UNC80: variants seen among roughly 807,000 people sequenced by gnomAD.
The protein encoded by UNC80 is protein unc-80 homolog.
UNC80 carries 164 observed loss-of-function variants against 384.6 expected under a neutral mutation model. That is an observed-to-expected ratio of 0.43 (90% CI 0.38 to 0.49). UNC80 has a LOEUF of 0.49. Ranked by LOEUF, UNC80 falls within the 20% of genes least tolerant of loss-of-function variation. The pLI is 0.00. For synonymous variants in UNC80, 1,486 were observed against 1,527.8 expected (o/e 0.97, Z 0.64); for missense variants, 3,330 against 4,143.0 (o/e 0.80, Z 5.39).
chr2:209,775,817 A>T, intron 2 of UNC80, 72 bp from the exon 3 acceptor site: 3 of 1,503,788 alleles, frequency 2.0e-6, no homozygotes, highest in Non-Finnish European at 2.7e-6. Context: ...CACTAACCAG[A>T]ATCTTCAATT....
chr2:209,987,390 T>C (rs2093310480), intron 61 of UNC80, among the ~76,000 whole-genome samples: 1 of 152,194 alleles, frequency 6.6e-6, no homozygotes, highest in Non-Finnish European at 1.5e-5. Flanking sequence ...GCAGAAAAGA[T>C]TCTTTGTATT....
chr2:209,949,802 A>C (rs1238725166), intron 47 of UNC80, among the ~76,000 whole-genome samples: 2 of 135,298 alleles, frequency 1.5e-5, no homozygotes, highest in Non-Finnish European at 3.1e-5. Flanking sequence ...AAAAACTCCT[A>C]TTCTCTGTAG....
At position 209,889,138 on chromosome 2, in the gene UNC80, G is replaced by C. The variant is rs541175890; in HGVS notation, c.4276+878G>C. The stretch of plus-strand genomic sequence containing the variant: ...CATGGAATAGACCAGATATTAACCA[G>C]ATATGAAGTTTTTATATTTGATTTT... On this transcript the variant is annotated intron_variant, in intron 26 of 64. Coordinates refer to ENST00000673920, the MANE Select transcript of UNC80 (RefSeq NM_001371986.1). Among the ~76,000 whole-genome samples, 9 of 152,250 alleles carry C rather than the reference G, an allele frequency of 5.9e-5. No homozygotes were observed. The South Asian group carries it at 1.9e-3, about 32-fold the overall frequency.
intron 4 of UNC80, among the ~76,000 whole-genome samples, chr2:209,782,677 A>T (rs193073052): frequency 6.6e-6 from 1 of 152,260 alleles, no homozygotes; most frequent in Non-Finnish European, 1.5e-5. Context: ...TCTAATATAA[A>T]TGACTCATCC....
chr2:209,885,037 T>C (rs2085653780), intron 25 of UNC80, among the ~76,000 whole-genome samples: 1 of 151,666 alleles, frequency 6.6e-6, no homozygotes, highest in Admixed American at 6.6e-5. Flanking sequence ...GCCCTGCACA[T>C]GTATCCTGAA....
At chr2:209,982,409 A>T in intron 60 of UNC80, 92 bp downstream of exon 60, 1 of 1,382,456 alleles carries the variant, frequency 7.2e-7, no homozygotes, top group Non-Finnish European at 9.5e-7. Flanking sequence ...AGACAGAAAG[A>T]GAAGCAAGCA....
At position 209,937,091 on chromosome 2, in the gene UNC80, G is replaced by A. The variant is rs143158050; in HGVS notation, c.6363+158G>A. The stretch of plus-strand genomic sequence containing the variant: ...ACTATCAATGGGGCTTTTGACTGGC[G>A]ACTTCACCTTTCTACCCTTTGGTTT... On this transcript the variant is annotated intron_variant, in intron 41 of 64. Coordinates refer to ENST00000673920, the MANE Select transcript of UNC80 (RefSeq NM_001371986.1). Among the ~76,000 whole-genome samples, 36 of 152,268 alleles carry A rather than the reference G, an allele frequency of 2.4e-4. 1 individual carries two copies. In the East Asian group the frequency reaches 5.8e-3, roughly 24 times the overall value.
At chr2:209,950,861 T>A (rs1376862968) in intron 47 of UNC80, among the ~76,000 whole-genome samples, 2 of 95,896 alleles carry the variant, frequency 2.1e-5, no homozygotes, top group African/African-American at 7.9e-5. Context: ...CCCAGCTGGA[T>A]TTTTTTTTTT....
chr2:209,954,134 C>T lies in UNC80; in HGVS notation c.7321C>T (p.Pro2441Ser). The change falls in exon 48 of 65, where the codon CCA becomes TCA. Residue 2441 changes from proline to serine, a missense_variant. This residue lies in a region of UNC80 where 1,049 missense variants were observed against 1,488.6 expected (regional missense o/e 0.70). Transcript: ENST00000673920. ...QMLMVLEALV[P>S]CYLQKLKRQT... ...GCTGATGGTCTTAGAAGCCTTAGTT[C>T]CATGTTACCTACAAAAGCTAAAGAG... 6.4e-7 allele frequency: 1 copy of T among 1,550,832 alleles called. No homozygotes were observed. Among genetic ancestry groups the T allele is most frequent in the Non-Finnish European group, 8.7e-7 (1 of 1,146,888 alleles).
chr2:209,817,399 C>T (rs765113570), intron 10 of UNC80, among the ~76,000 whole-genome samples: 3 of 149,866 alleles, frequency 2.0e-5, no homozygotes, highest in Non-Finnish European at 4.5e-5. Context: ...CCTTAGGGTG[C>T]TCTGTGCATT....
At chr2:209,950,119 C>A (rs2124989167) in intron 47 of UNC80, among the ~76,000 whole-genome samples, 1 of 152,090 alleles carries the variant, frequency 6.6e-6, no homozygotes, top group East Asian at 1.9e-4. Context: ...GGCAGAGGAA[C>A]TGTGCCTGCC....
intron 14 of UNC80, among the ~76,000 whole-genome samples, chr2:209,826,792 C>A (rs1028799946): frequency 6.6e-6 from 1 of 152,036 alleles, no homozygotes; most frequent in Admixed American, 6.6e-5. Context: ...GAATTGAAAT[C>A]ATACGAAAAT....
At chr2:209,850,795 G>A (rs959765283) in intron 22 of UNC80, among the ~76,000 whole-genome samples, 13 of 152,092 alleles carry the variant, frequency 8.5e-5, no homozygotes, top group Non-Finnish European at 1.5e-5. Context: ...AGGTCTCCAG[G>A]AGAGCTGGGG....
Position 209,839,106 on chromosome 2 carries a change from A to G in UNC80, c.3042-116A>G. ...GCCCACTCTTCCCACATTTCAGCCC[A>G]TCAAAGATCATTTTGCATGATTTGC... is the stretch of plus-strand genomic sequence containing the variant. On this transcript the variant is annotated intron_variant, in intron 18 of 64. Transcript: ENST00000673920. The surrounding 1 kb of genome is among the most constrained non-coding windows in gnomAD (Gnocchi z 4.1). 1.1e-6 allele frequency: 1 copy of G among 929,646 alleles called. No homozygotes were observed. The highest frequency in any genetic ancestry group is 1.6e-5 in the South Asian group (1 of 60,798). The allele number at this position is 929,646 out of a possible 1,614,324, so 57.6% of individuals were successfully genotyped here.
intron 61 of UNC80, among the ~76,000 whole-genome samples, chr2:209,989,965 AT>A (rs779833097): frequency 4.9e-4 from 74 of 152,330 alleles, no homozygotes; most frequent in Middle Eastern, 3.4e-3. Context: ...AAGCTGGGAT[AT>A]TTCCAAGGAT....
intron 1 of UNC80, among the ~76,000 whole-genome samples, chr2:209,772,750 G>A (rs558398730): frequency 6.6e-6 from 1 of 152,148 alleles, no homozygotes; most frequent in South Asian, 2.1e-4. Context: ...TTAGATTCTG[G>A]AAATTATGAC....
At chr2:209,827,441 C>T (rs530909539) in intron 14 of UNC80, among the ~76,000 whole-genome samples, 8 of 152,172 alleles carry the variant, frequency 5.3e-5, no homozygotes, top group East Asian at 3.9e-4. Flanking sequence ...TGAGTTGGAT[C>T]GGAAGCCATT....
chr2:209,921,962 C>G (rs1333476171), intron 34 of UNC80, among the ~76,000 whole-genome samples: 5 of 152,188 alleles, frequency 3.3e-5, no homozygotes, highest in African/African-American at 1.2e-4. Flanking sequence ...CTTTCATTAA[C>G]TACTTTCAAC....
At chr2:209,828,170 A>T (rs2080681333) in intron 14 of UNC80, among the ~76,000 whole-genome samples, 1 of 152,190 alleles carries the variant, frequency 6.6e-6, no homozygotes, top group African/African-American at 2.4e-5. Flanking sequence ...CAGGGTTTTA[A>T]AGAGCTTTAT....
Sources: gnomAD v4.1 joint callset for allele counts (sites outside exome capture counted in the v4.1 genomes callset) on GRCh38, gnomAD v4.1.1 for gene constraint, gnomAD v4.1.1 regional missense constraint, Gnocchi (gnomAD v3.1) non-coding constraint, MANE v1.5 for transcripts, NCBI Gene and HGNC (gene_info 2026-07-23, HGNC 2026-07-21) for gene names.